ADGRF5: variants seen among roughly 807,000 people sequenced by gnomAD.
ADGRF5 encodes adhesion G protein-coupled receptor F5.
Under a neutral mutation model 132.3 loss-of-function variants are expected in ADGRF5, and 75 were observed. That is an observed-to-expected ratio of 0.57 (90% CI 0.47 to 0.69). The LOEUF (loss-of-function observed/expected upper bound fraction) is 0.69. Among genes scored for constraint, ADGRF5 ranks in the 30% least tolerant of loss-of-function variants. The pLI is 0.00. For synonymous variants in ADGRF5, 629 were observed against 597.6 expected (o/e 1.05, Z -0.77); for missense variants, 1,516 against 1,630.6 (o/e 0.93, Z 1.21).
intron 3 of ADGRF5, among the ~76,000 whole-genome samples, chr6:46,897,581 T>G (rs1449506232): frequency 6.6e-6 from 1 of 152,178 alleles, no homozygotes; most frequent in Non-Finnish European, 1.5e-5. Flanking sequence ...TCGTGTTCTT[T>G]TTTTTCTCTT....
chr6:46,931,065 TA>T (rs68027961), intron 1 of ADGRF5, among the ~76,000 whole-genome samples: 2,514 of 152,090 alleles, frequency 0.017, 78 homozygotes, highest in South Asian at 0.13. Context: ...AAAAAAATAA[TA>T]AACATTCATC....
In ADGRF5 at chr6:46,888,463, A is replaced by G. The variant is rs765516866; in HGVS notation, c.200T>C (p.Ile67Thr). 1.9e-6 allele frequency: 3 copies of G among 1,613,406 alleles called. No homozygotes were observed. The highest frequency in any genetic ancestry group is 2.5e-6 in the Non-Finnish European group (3 of 1,179,362). The stretch of plus-strand genomic sequence containing the variant: ...GGATGCATTTTCAAAACTGATCTCA[A>G]TATTAACAGTGTATTCTTCAGCCGT... ...SPTAEEYTVN[I>T]EISFENASFL... Residue 67 changes from isoleucine to threonine, a missense_variant, in exon 4 of 21, where the codon ATT (isoleucine) becomes ACT (threonine). Physicochemically the swap from Ile to Thr is moderately conservative, Grantham distance 89. This residue lies in a region of ADGRF5 where 945 missense variants were observed against 929.4 expected (regional missense o/e 1.02). Transcript: ENST00000283296.
In ADGRF5 at chr6:46,890,358, G is replaced by A. The variant is rs1015721483; in HGVS notation, c.158-1853C>T. On this transcript the variant is annotated intron_variant, in intron 3 of 20. Transcript: ENST00000283296. Reference sequence around the variant, plus strand: ...TCTGCCTGCCTTGGCCTCCCAAAGTGCTGAGATTATAGTCATGAGCTGCTG... The same window carrying A: ...TCTGCCTGCCTTGGCCTCCCAAAGTACTGAGATTATAGTCATGAGCTGCTG... Among the ~76,000 whole-genome samples, 35 of 151,964 alleles carry A rather than the reference G, an allele frequency of 2.3e-4. 1 individual carries two copies. The highest frequency in any genetic ancestry group is 1.0e-4 in the Non-Finnish European group (7 of 67,984).
chr6:46,861,752 G>A (rs112566940), intron 15 of ADGRF5, among the ~76,000 whole-genome samples: 3 of 152,302 alleles, frequency 2.0e-5, no homozygotes, highest in African/African-American at 7.2e-5. Flanking sequence ...AGTATATGCT[G>A]AATGGATAAA....
At chr6:46,942,499 T>C (rs2150944486) in intron 1 of ADGRF5, among the ~76,000 whole-genome samples, 1 of 152,344 alleles carries the variant, frequency 6.6e-6, no homozygotes, top group African/African-American at 2.4e-5. Context: ...TTACTTAATC[T>C]CTCTGATCCT....
intron 3 of ADGRF5, among the ~76,000 whole-genome samples, chr6:46,889,367 C>A (rs1773398857): frequency 6.8e-6 from 1 of 146,568 alleles, no homozygotes; most frequent in Non-Finnish European, 1.5e-5. Flanking sequence ...AGTCCATATA[C>A]AGTCTATGTA....
chr6:46,926,195 T>G (rs1777233649), upstream of ADGRF5, among the ~76,000 whole-genome samples: 1 of 152,218 alleles, frequency 6.6e-6, no homozygotes, highest in African/African-American at 2.4e-5. Flanking sequence ...TTGCACTTAC[T>G]GCTACTGCAC....
In ADGRF5 at chr6:46,868,785, T is replaced by C. The variant is rs564677945; in HGVS notation, c.1621+98A>G. The C allele has an allele frequency of 2.6e-4, 190 of 728,390 alleles. No homozygotes were observed. In the African/African-American group the frequency reaches 2.7e-3, roughly 10 times the overall value. 45.1% of individuals were successfully genotyped at this position (728,390 alleles called of 1,614,324 possible). On this transcript the variant is annotated intron_variant, in intron 12 of 20. Coordinates refer to ENST00000283296, the MANE Select transcript of ADGRF5 (RefSeq NM_001098518.2). ...CATATTGAATTTAAAGTGGTTGGCA[T>C]AGGCATGTCTCAAAGAAGACCCTAC...
chr6:46,897,765 C>G (rs960754271), intron 3 of ADGRF5, among the ~76,000 whole-genome samples: 3 of 152,116 alleles, frequency 2.0e-5, no homozygotes, highest in African/African-American at 7.2e-5. Flanking sequence ...AGACTGGTCT[C>G]GAACTCCTGA....
intron 1 of ADGRF5, among the ~76,000 whole-genome samples, chr6:46,941,649 GTTT>G (rs35605004): frequency 7.0e-6 from 1 of 142,652 alleles, no homozygotes. Context: ...ATAGAGCATG[GTTT>G]TTTTTTTTTT....
At chr6:46,899,462 A>T (rs1358429669) in intron 3 of ADGRF5, among the ~76,000 whole-genome samples, 2 of 152,148 alleles carry the variant, frequency 1.3e-5, no homozygotes. Context: ...GGGTCCACTC[A>T]GGATGGGATT....
Position 46,884,087 on chromosome 6 carries a change from T to C in ADGRF5, c.505+8A>G. ...CACTCAACGAGCATTTAATGAGCAG[T>C]TACTTACCTTCCTGAAGCAGGCAAA... On this transcript the variant is annotated splice_region_variant and intron_variant, in intron 5 of 20. Transcript: ENST00000283296. 6.2e-7 allele frequency: 1 copy of C among 1,611,306 alleles called. No homozygotes were observed. The highest frequency in any genetic ancestry group is 8.5e-7 in the Non-Finnish European group (1 of 1,177,734).
chr6:46,902,591 C>T (rs529775024), intron 2 of ADGRF5, among the ~76,000 whole-genome samples: 67 of 152,278 alleles, frequency 4.4e-4, no homozygotes, highest in African/African-American at 1.4e-3. Flanking sequence ...TTTCAAGCAG[C>T]GCATCCATTG....
At position 46,869,090 on chromosome 6, in the gene ADGRF5, T is replaced by C. The variant is rs774137698; in HGVS notation, c.1414A>G (p.Asn472Asp). Residue 472 changes from asparagine (N) to aspartate (D), a missense_variant and splice_region_variant, in exon 12 of 21, where the codon AAT becomes GAT. Asn to Asp is a conservative substitution (Grantham distance 23). Around this residue, in one of 2 missense-constraint regions of ADGRF5, gnomAD observed 945 missense variants for 929.4 expected, o/e 1.02. Coordinates refer to ENST00000283296, the MANE Select transcript of ADGRF5 (RefSeq NM_001098518.2). The part of the protein sequence containing the change: ...NIKVTFISVA[N>D]LTITPDPISV... ...ATTGGGTCCGGGGTTATTGTTAGAT[T>C]GGCTGAAAAAAAGGCAAACAAAACA... is the stretch of plus-strand genomic sequence containing the variant. 1 of 1,613,504 alleles carries C rather than the reference T, an allele frequency of 6.2e-7. No individual in the cohort carries two copies. The highest frequency in any genetic ancestry group is 1.3e-5 in the African/African-American group (1 of 75,002).
At chr6:46,856,105 C>T (rs768812411) in intron 19 of ADGRF5, 47 bp from the exon 20 acceptor site, 2 of 1,080,266 alleles carry the variant, frequency 1.9e-6, no homozygotes, top group African/African-American at 3.1e-5. Flanking sequence ...ATTTGTGGGA[C>T]CAAAGCTGTT....
intron 3 of ADGRF5, among the ~76,000 whole-genome samples, chr6:46,897,145 TAC>T (rs10655432): frequency 0.023 from 3,252 of 141,492 alleles, 48 homozygotes; most frequent in African/African-American, 0.043. Flanking sequence ...TGCATATATA[TAC>T]ACACACACAC....
In ADGRF5 at chr6:46,878,388, G is replaced by GT; in HGVS notation, c.1053dup (p.Leu352ThrfsTer7). ...TCATATTCAAAAATGTCTAATATCAGTTTGCAAACATATTCACCTGCATAA... is the reference window on the plus strand; with the variant it reads ...TCATATTCAAAAATGTCTAATATCAGTTTTGCAAACATATTCACCTGCATAA... On this transcript the variant is annotated frameshift_variant, in exon 10 of 21. Transcript: ENST00000283296. LOFTEE classifies it high-confidence loss of function. 6.2e-7 allele frequency: 1 copy of GT among 1,601,070 alleles called. No homozygotes were observed. Among genetic ancestry groups the GT allele is most frequent in the Non-Finnish European group, 8.6e-7 (1 of 1,168,602 alleles).
At chr6:46,939,077 G>A (rs1777958564) in intron 1 of ADGRF5, among the ~76,000 whole-genome samples, 1 of 152,046 alleles carries the variant, frequency 6.6e-6, no homozygotes, top group Admixed American at 6.6e-5. Flanking sequence ...CACCAGGTTG[G>A]CCAGGATGGT....
chr6:46,879,311 C>A (rs182635036), intron 9 of ADGRF5, among the ~76,000 whole-genome samples: 2,683 of 151,662 alleles, frequency 0.018, 49 homozygotes, highest in Non-Finnish European at 0.028. Context: ...GCTCTGTGTC[C>A]CCTCCCAAAT....
Sources: allele counts gnomAD v4.1 joint callset (sites outside exome capture counted in the v4.1 genomes callset), GRCh38; gene constraint gnomAD v4.1.1; regional missense constraint gnomAD v4.1.1; transcripts MANE v1.5; gene names NCBI Gene and HGNC (gene_info 2026-07-23, HGNC 2026-07-21).